CPSF2: variants seen among roughly 807,000 people sequenced by gnomAD.
CPSF2 encodes cleavage and polyadenylation specificity factor subunit 2.
CPSF2 carries 51 observed loss-of-function variants against 84.2 expected under a neutral mutation model. That is an observed-to-expected ratio of 0.61 (90% CI 0.48 to 0.77). The LOEUF is 0.77. Ranked by LOEUF, CPSF2 falls within the 30% of genes least tolerant of loss-of-function variation. The pLI is 0.00. For missense variants in CPSF2, 641 were observed against 929.4 expected (o/e 0.69, Z 4.03); for synonymous variants, 286 against 311.9 (o/e 0.92, Z 0.87).
chr14:92,148,397 G>A (rs35024457), intron 9 of CPSF2, among the ~76,000 whole-genome samples: 32,151 of 151,964 alleles, frequency 0.21, 3,790 homozygotes, highest in East Asian at 0.53. Flanking sequence ...CAGCAAAACT[G>A]TGTTACATCC....
chr14:92,131,179 C>G, intron 3 of CPSF2, 46 bp downstream of exon 3: 2 of 1,452,560 alleles, frequency 1.4e-6, no homozygotes, highest in Non-Finnish European at 1.9e-6. Flanking sequence ...ATCAACTTCT[C>G]TTTTCTGTAC....
Position 92,134,145 on chromosome 14 carries a change from A to T in CPSF2, c.284A>T (p.Gln95Leu). 1 of 1,614,182 alleles carries T rather than the reference A, an allele frequency of 6.2e-7. No individual in the cohort carries two copies. Among genetic ancestry groups the T allele is most frequent in the South Asian group, 1.1e-5 (1 of 91,088 alleles). Residue 95 changes from glutamine (Q) to leucine (L), a missense_variant, in exon 4 of 16, where the codon CAG becomes CTG. By Grantham distance (113) the Gln-to-Leu change is moderately radical. This residue lies in a region of CPSF2 where 211 missense variants were observed against 375.7 expected (regional missense o/e 0.56). Coordinates refer to ENST00000298875, the MANE Select transcript of CPSF2 (RefSeq NM_017437.3). Reference protein sequence around the residue: ...YATIPVYKMGQMFMYDLYQSR... With the variant: ...YATIPVYKMGLMFMYDLYQSR... The stretch of plus-strand genomic sequence containing the variant: ...ACCATTCCTGTTTATAAAATGGGAC[A>T]GATGTTCATGTATGATCTTTATCAG...
chr14:92,160,238 C>T (rs764943723), intron 14 of CPSF2, among the ~76,000 whole-genome samples: 6 of 152,222 alleles, frequency 3.9e-5, no homozygotes, highest in Non-Finnish European at 7.3e-5. Flanking sequence ...GCTGGGATTA[C>T]AGGCGTGAGC....
chr14:92,147,858 G>T (rs542055106), intron 9 of CPSF2, among the ~76,000 whole-genome samples: 1 of 152,136 alleles, frequency 6.6e-6, no homozygotes, highest in South Asian at 2.1e-4. Context: ...CAATTAGTTC[G>T]CACTGCAGGC....
chr14:92,147,412 G>A (rs959562956), intron 9 of CPSF2, among the ~76,000 whole-genome samples: 2 of 152,148 alleles, frequency 1.3e-5, no homozygotes, highest in Non-Finnish European at 1.5e-5. Flanking sequence ...GAGGTAATAC[G>A]GTGAAGGAGT....
chr14:92,132,878 G>C (rs1214839834), intron 3 of CPSF2, among the ~76,000 whole-genome samples: 1 of 152,076 alleles, frequency 6.6e-6, no homozygotes, highest in African/African-American at 2.4e-5. Context: ...ATCACCTGAG[G>C]TCAGGAGTTT....
At chr14:92,141,030 A>G (rs1386259799) in intron 7 of CPSF2, among the ~76,000 whole-genome samples, 2 of 152,238 alleles carry the variant, frequency 1.3e-5, no homozygotes, top group South Asian at 2.1e-4. Flanking sequence ...AAGGAAATCC[A>G]TAAAGATATA....
At position 92,167,159 on chromosome 14, in the gene CPSF2, G is replaced by C. The variant is rs546161552; in HGVS notation, c.*5415G>C. 73 of 151,818 alleles carry C rather than the reference G, an allele frequency of 4.8e-4. No homozygotes were observed. Among genetic ancestry groups the C allele is most frequent in the African/African-American group, 1.7e-3 (71 of 41,368 alleles). 9.4% of individuals were successfully genotyped at this position (151,818 alleles called of 1,614,324 possible). A position where few individuals can be genotyped will look rare whatever the true frequency, so the allele number is the denominator to read the frequency against. On this transcript the variant is annotated 3_prime_UTR_variant, in exon 16 of 16. Coordinates refer to ENST00000298875, the MANE Select transcript of CPSF2 (RefSeq NM_017437.3). ...CCAGAGTAGTTAGGACTACAGGCGC[G>C]TGCCACCATGCCAGGCTAATTTTTG... is the stretch of plus-strand genomic sequence containing the variant.
At position 92,159,147 on chromosome 14, in the gene CPSF2, G is replaced by A. The variant is rs752562154; in HGVS notation, c.1986G>A (p.Met662Ile). ...ELKDDGEDSE[M>I]QVEAPSDSSV... ...AGGATGATGGAGAAGACTCAGAGAT[G>A]CAAGTGGAAGCTCCCTCAGATTCTA... Residue 662 changes from methionine (M) to isoleucine (I), a missense_variant, in exon 14 of 16, where the codon ATG becomes ATA. Physicochemically the swap from Met to Ile is conservative, Grantham distance 10 (BLOSUM62 1). This residue lies in a region of CPSF2 where 430 missense variants were observed against 553.6 expected (regional missense o/e 0.78). Transcript: ENST00000298875. 69 of 1,613,996 alleles carry A rather than the reference G, an allele frequency of 4.3e-5. No individual in the cohort carries two copies. The highest frequency in any genetic ancestry group is 1.2e-4 in the Admixed American group (7 of 59,994).
chr14:92,164,663 T>G lies in CPSF2; in HGVS notation c.*2919T>G, dbSNP rs770830098. On this transcript the variant is annotated 3_prime_UTR_variant, in exon 16 of 16. Coordinates refer to ENST00000298875, the MANE Select transcript of CPSF2 (RefSeq NM_017437.3). ...ATTTGTTGCTGTAGGATTATAAATGTCAAATATCATTGTAAACATTTCTAT... is the reference window on the plus strand; with the variant it reads ...ATTTGTTGCTGTAGGATTATAAATGGCAAATATCATTGTAAACATTTCTAT... 12 of 152,240 alleles carry G rather than the reference T, an allele frequency of 7.9e-5. No homozygotes were observed. The highest frequency in any genetic ancestry group is 1.3e-4 in the Non-Finnish European group (9 of 68,046). 9.4% of individuals were successfully genotyped at this position (152,240 alleles called of 1,614,324 possible).
Position 92,138,295 on chromosome 14 carries a change from CA to C in CPSF2, c.611del (p.Asn204MetfsTer17). On this transcript the variant is annotated frameshift_variant, in exon 7 of 16. Coordinates refer to ENST00000298875, the MANE Select transcript of CPSF2 (RefSeq NM_017437.3). LOFTEE classifies it high-confidence loss of function. Reference protein sequence around the residue: ...RPSLLITDSFNATYVQPRRKQ... With the variant: ...RPSLLITDSFXATYVQPRRKQ... ...CTTCCCTACTTATCACAGATTCATT[CA>C]ATGCTACATATGTACAGCCTAGAAG... The C allele has an allele frequency of 6.2e-7, 1 of 1,608,748 alleles. No individual in the cohort carries two copies. The highest frequency in any genetic ancestry group is 8.5e-7 in the Non-Finnish European group (1 of 1,177,928).
intron 9 of CPSF2, among the ~76,000 whole-genome samples, chr14:92,151,911 C>T (rs574618464): frequency 6.6e-6 from 1 of 150,816 alleles, no homozygotes; most frequent in African/African-American, 2.4e-5. Flanking sequence ...TGGTGGATGG[C>T]TGAAGTGGGA....
At position 92,164,141 on chromosome 14, in the gene CPSF2, A is replaced by C. The variant is rs1321786954; in HGVS notation, c.*2397A>C. On this transcript the variant is annotated 3_prime_UTR_variant, in exon 16 of 16. Coordinates refer to ENST00000298875, the MANE Select transcript of CPSF2 (RefSeq NM_017437.3). ...CCCTTCCACCATGATTGTAAGTTTC[A>C]TGAGGCCTCCCCAGCCTGTGGGACT... 1 of 153,090 alleles carries C rather than the reference A, an allele frequency of 6.5e-6. No homozygotes were observed. The highest frequency in any genetic ancestry group is 1.5e-5 in the Non-Finnish European group (1 of 68,802). 9.5% of individuals were successfully genotyped at this position (153,090 alleles called of 1,614,324 possible). A position where few individuals can be genotyped will look rare whatever the true frequency, so the allele number is the denominator to read the frequency against.
intron 2 of CPSF2, among the ~76,000 whole-genome samples, chr14:92,128,128 G>A (rs2068866099): frequency 6.6e-6 from 1 of 152,138 alleles, no homozygotes; most frequent in Non-Finnish European, 1.5e-5. Context: ...CCAGCTACTC[G>A]GGAGGCTGAG....
rs752132510 is a variant in CPSF2, at chr14:92,155,324, G to C, written c.1442+1G>C. On this transcript the variant is annotated splice_donor_variant, in intron 11 of 15. Coordinates refer to ENST00000298875, the MANE Select transcript of CPSF2 (RefSeq NM_017437.3). LOFTEE classifies it high-confidence loss of function. ...GGGATGAATATGGAGAGATTATCAA[G>C]TATGTGAGCAAAACAAACTTTTCTC... is the stretch of plus-strand genomic sequence containing the variant. 6.2e-7 allele frequency: 1 copy of C among 1,611,568 alleles called. No individual in the cohort carries two copies. Among genetic ancestry groups the C allele is most frequent in the Non-Finnish European group, 8.5e-7 (1 of 1,177,762 alleles).
Position 92,155,419 on chromosome 14 carries a change from T to C in CPSF2, c.1442+96T>C, listed in dbSNP as rs1415286002. On this transcript the variant is annotated intron_variant, in intron 11 of 15. Coordinates refer to ENST00000298875, the MANE Select transcript of CPSF2 (RefSeq NM_017437.3). ...TGAATTTGATCTTTCACTTGATCTT[T>C]CTAGTCACATGTATGGGGTTAGCTT... 3 of 1,006,310 alleles carry C rather than the reference T, an allele frequency of 3.0e-6. No individual in the cohort carries two copies. In the African/African-American group the frequency reaches 4.8e-5, roughly 16 times the overall value. The allele number at this position is 1,006,310 out of a possible 1,614,324, so 62.3% of individuals were successfully genotyped here.
chr14:92,143,649 A>T (rs1214534791), intron 9 of CPSF2, among the ~76,000 whole-genome samples: 2 of 152,184 alleles, frequency 1.3e-5, no homozygotes, highest in Non-Finnish European at 2.9e-5. Flanking sequence ...TTTGTTACCT[A>T]GTCTAGAGTG....
intron 2 of CPSF2, among the ~76,000 whole-genome samples, chr14:92,128,712 A>G (rs1038370135): frequency 2.6e-5 from 4 of 152,240 alleles, no homozygotes; most frequent in Non-Finnish European, 5.9e-5. Flanking sequence ...TAGTCAGCGA[A>G]TTAGAGAGAT....
chr14:92,134,191 A>T (rs765469633), intron 4 of CPSF2, 21 bp downstream of exon 4: 3 of 1,613,300 alleles, frequency 1.9e-6, no homozygotes, highest in Non-Finnish European at 1.7e-6. Flanking sequence ...CAATTAAAAA[A>T]ATTTTGTTAG....
Sources: allele counts gnomAD v4.1 joint callset (sites outside exome capture counted in the v4.1 genomes callset), GRCh38; gene constraint gnomAD v4.1.1; regional missense constraint gnomAD v4.1.1; transcripts MANE v1.5; gene names NCBI Gene and HGNC (gene_info 2026-07-23, HGNC 2026-07-21).